The following LRRTM3 variants were observed in gnomAD, a reference collection of about 807,000 sequenced individuals.
The protein encoded by LRRTM3 is leucine-rich repeat transmembrane neuronal protein 3.
Under a neutral mutation model 44.7 loss-of-function variants are expected in LRRTM3, and 24 were observed. That is an observed-to-expected ratio of 0.54 (90% CI 0.39 to 0.76). The LOEUF (loss-of-function observed/expected upper bound fraction) is 0.76, where lower values mean the gene tolerates loss of function less well. LRRTM3 is among the 30% of genes least tolerant of loss of function. The pLI is 0.00. For missense variants in LRRTM3, 587 were observed against 702.2 expected, an observed-to-expected ratio of 0.84 and a Z score of 1.85; for synonymous variants, 277 against 278.7, an observed-to-expected ratio of 0.99 and a Z score of 0.06.
intron 2 of LRRTM3, among the ~76,000 whole-genome samples, chr10:66,972,992 A>G (rs1849813801): frequency 6.6e-6 from 1 of 152,212 alleles, no homozygotes; most frequent in African/African-American, 2.4e-5. Flanking sequence ...TGTCAGTATT[A>G]AAAACTAAGT....
intron 2 of LRRTM3, among the ~76,000 whole-genome samples, chr10:66,978,552 A>AAATAAAAAAAAAATATATATAT: frequency 2.6e-5 from 1 of 37,866 alleles, no homozygotes; most frequent in African/African-American, 8.7e-5. Flanking sequence ...AAAAAAAAAA[A>AAATAAAAAAAAAATATATATAT]ATATATATAT....
chr10:66,926,304 A>T lies in LRRTM3; in HGVS notation c.-280A>T. On this transcript the variant is annotated 5_prime_UTR_variant, in exon 1 of 3. Coordinates refer to ENST00000361320, the MANE Select transcript of LRRTM3 (RefSeq NM_178011.5). ...CCCTCCCCACCCCCCAAAAAACTGT[A>T]AAGATGCAAAAACGTAATATCCATG... The T allele has an allele frequency of 1.2e-5, 5 of 418,640 alleles. No homozygotes were observed. The highest frequency in any genetic ancestry group is 1.3e-5 in the Non-Finnish European group (3 of 222,290). 25.9% of individuals were successfully genotyped at this position (418,640 alleles called of 1,614,324 possible).
At chr10:67,064,774 T>C (rs1055952656) in intron 2 of LRRTM3, among the ~76,000 whole-genome samples, 1 of 152,210 alleles carries the variant, frequency 6.6e-6, no homozygotes, top group African/African-American at 2.4e-5. Context: ...AAGATGACAG[T>C]AATTTCAATC....
intron 2 of LRRTM3, among the ~76,000 whole-genome samples, chr10:66,974,617 C>G (rs777701650): frequency 1.3e-5 from 2 of 152,158 alleles, no homozygotes; most frequent in South Asian, 4.1e-4. Flanking sequence ...ATTTCACATT[C>G]CCATCAGTAA....
intron 2 of LRRTM3, among the ~76,000 whole-genome samples, chr10:67,017,629 GT>G (rs1852736638): frequency 6.6e-6 from 1 of 152,060 alleles, no homozygotes; most frequent in African/African-American, 2.4e-5. Flanking sequence ...TAGTTCTAAT[GT>G]TTGGAAGTGG....
At chr10:66,938,708 G>A (rs961373227) in intron 2 of LRRTM3, among the ~76,000 whole-genome samples, 1 of 152,112 alleles carries the variant, frequency 6.6e-6, no homozygotes, top group Non-Finnish European at 1.5e-5. Flanking sequence ...ATCATGTTCT[G>A]ATTTAAATTG....
chr10:67,098,629 T>G lies in LRRTM3; in HGVS notation c.*833T>G, dbSNP rs1205642928. Reference sequence around the variant, plus strand: ...TCTTTTGAGTAACCATTGTTAAGGGTTGGGGGAAAGCATGGACAAAACATC... The same window carrying G: ...TCTTTTGAGTAACCATTGTTAAGGGGTGGGGGAAAGCATGGACAAAACATC... On this transcript the variant is annotated 3_prime_UTR_variant, in exon 3 of 3. Transcript: ENST00000361320. 1 of 152,172 alleles carries G rather than the reference T, an allele frequency of 6.6e-6. No individual in the cohort carries two copies. The highest frequency in any genetic ancestry group is 3.2e-3 in the Middle Eastern group (1 of 316). 9.4% of individuals were successfully genotyped at this position (152,172 alleles called of 1,614,324 possible).
chr10:67,055,394 T>C (rs753532550), intron 2 of LRRTM3, among the ~76,000 whole-genome samples: 13 of 151,918 alleles, frequency 8.6e-5, no homozygotes, highest in Middle Eastern at 6.8e-3. Flanking sequence ...AAAGCAGTCA[T>C]GGACAGAGAT....
intron 2 of LRRTM3, among the ~76,000 whole-genome samples, chr10:66,941,164 C>A (rs1398530686): frequency 6.6e-6 from 1 of 152,136 alleles, no homozygotes; most frequent in Non-Finnish European, 1.5e-5. Flanking sequence ...TCAGCTGAGT[C>A]GGTTAATTAA....
At chr10:66,985,090 C>T (rs1850653090) in intron 2 of LRRTM3, among the ~76,000 whole-genome samples, 1 of 152,130 alleles carries the variant, frequency 6.6e-6, no homozygotes, top group South Asian at 2.1e-4. Context: ...AATGTTCCTT[C>T]CTAGATATTT....
chr10:66,947,900 C>T (rs1355519583), intron 2 of LRRTM3, among the ~76,000 whole-genome samples: 1 of 152,146 alleles, frequency 6.6e-6, no homozygotes, highest in South Asian at 2.1e-4. Context: ...GCGAACATCA[C>T]AGAGTGTACT....
intron 2 of LRRTM3, among the ~76,000 whole-genome samples, chr10:67,020,308 C>T (rs1332849362): frequency 6.6e-6 from 1 of 152,148 alleles, no homozygotes; most frequent in African/African-American, 2.4e-5. Context: ...TATACAGCCT[C>T]ATGTTAAATT....
rs183503458 is a variant in LRRTM3, at chr10:67,098,937, T to G, written c.*1141T>G. 1 of 152,022 alleles carries G rather than the reference T, an allele frequency of 6.6e-6. No individual in the cohort carries two copies. Among genetic ancestry groups the G allele is most frequent in the East Asian group, 1.9e-4 (1 of 5,154 alleles). 9.4% of individuals were successfully genotyped at this position (152,022 alleles called of 1,614,324 possible). A position where few individuals can be genotyped will look rare whatever the true frequency, so the allele number is the denominator to read the frequency against. On this transcript the variant is annotated 3_prime_UTR_variant, in exon 3 of 3. Transcript: ENST00000361320. ...TTGGAAACATTTCAAAGGAAACATA[T>G]GAATTTGTTTTGCGTTGTGCACTAC... is the stretch of plus-strand genomic sequence containing the variant.
At chr10:67,037,586 C>A (rs192093304) in intron 2 of LRRTM3, among the ~76,000 whole-genome samples, 1 of 152,050 alleles carries the variant, frequency 6.6e-6, no homozygotes, top group East Asian at 1.9e-4. Flanking sequence ...TGACTGGATG[C>A]AAGGAGATGA....
At chr10:66,982,564 T>A (rs1850501194) in intron 2 of LRRTM3, among the ~76,000 whole-genome samples, 1 of 152,144 alleles carries the variant, frequency 6.6e-6, no homozygotes, top group African/African-American at 2.4e-5. Flanking sequence ...GGAAGAGGTA[T>A]AAAATATTAT....
intron 2 of LRRTM3, among the ~76,000 whole-genome samples, chr10:66,955,882 G>T (rs769070633): frequency 3.3e-5 from 5 of 152,066 alleles, no homozygotes; most frequent in African/African-American, 1.2e-4. Flanking sequence ...AGATCTGACT[G>T]GGGGGTATCT....
chr10:67,071,204 A>C (rs931573311), intron 2 of LRRTM3, among the ~76,000 whole-genome samples: 13 of 152,024 alleles, frequency 8.6e-5, no homozygotes, highest in African/African-American at 1.2e-4. Context: ...TTCTTCAATC[A>C]CTCAGATATT....
Position 66,927,615 on chromosome 10 carries a change from C to A in LRRTM3, c.699C>A (p.Asn233Lys), listed in dbSNP as rs760290602. The A allele has an allele frequency of 8.7e-6, 14 of 1,614,160 alleles. No individual in the cohort carries two copies. The highest frequency in any genetic ancestry group is 3.3e-5 in the South Asian group (3 of 91,082). ...TTCCAAGGTTGGTCAGCCTTCAGAACCTTTACTTGCAGTGGAATAAAATCA... is the reference window on the plus strand; with the variant it reads ...TTCCAAGGTTGGTCAGCCTTCAGAAACTTTACTTGCAGTGGAATAAAATCA... Reference protein sequence around the residue: ...ALFPRLVSLQNLYLQWNKISV... With the variant: ...ALFPRLVSLQKLYLQWNKISV... The change falls in exon 2 of 3, where the codon AAC (asparagine) becomes AAA (lysine). Residue 233 changes from asparagine to lysine, a missense_variant. Transcript: ENST00000361320. The surrounding 1 kb of genome is among the most constrained non-coding windows in gnomAD (Gnocchi z 4.7).
At position 66,928,212 on chromosome 10, in the gene LRRTM3, C is replaced by G. The variant is rs146897378; in HGVS notation, c.1296C>G (p.Leu432=). ...AGSVALFLSV[L]VILLVIYVSW... ...GCGTGGCGCTTTTCCTGTCCGTGCT[C>G]GTCATCCTGCTGGTTATCTACGTGT... Residue 432 remains leucine (L), a synonymous_variant, in exon 2 of 3, where the codon CTC becomes CTG. Transcript: ENST00000361320. 1.2e-6 allele frequency: 2 copies of G among 1,614,010 alleles called. No homozygotes were observed. Among genetic ancestry groups the G allele is most frequent in the African/African-American group, 1.3e-5 (1 of 74,928 alleles).
Sources: allele counts gnomAD v4.1 joint callset (sites outside exome capture counted in the v4.1 genomes callset), GRCh38; gene constraint gnomAD v4.1.1; non-coding constraint Gnocchi (gnomAD v3.1); transcripts MANE v1.5; gene names NCBI Gene and HGNC (gene_info 2026-07-23, HGNC 2026-07-21).